Variants in ERICH6B observed in about 807,000 individuals in gnomAD.
ERICH6B encodes glutamate-rich protein 6B.
ERICH6B carries 69 observed loss-of-function variants against 80.0 expected under a neutral mutation model. The ratio of observed to expected loss-of-function variants is 0.86; its 90% confidence interval spans 0.71 to 1.05. The LOEUF (loss-of-function observed/expected upper bound fraction) is 1.05. ERICH6B is among the 50% of genes least tolerant of loss of function. ERICH6B has a pLI of 0.00. For synonymous variants in ERICH6B, 283 were observed against 291.9 expected, an observed-to-expected ratio of 0.97 and a Z score of 0.31; for missense variants, 754 against 796.1, an observed-to-expected ratio of 0.95 and a Z score of 0.64.
In ERICH6B at chr13:45,554,128, C is replaced by G. The variant is rs1874337221; in HGVS notation, c.1408-3812G>C. Among the ~76,000 whole-genome samples the G allele has an allele frequency of 1.3e-5, 2 of 152,242 alleles. 1 individual carries two copies. Among genetic ancestry groups the G allele is most frequent in the African/African-American group, 4.8e-5 (2 of 41,560 alleles). On this transcript the variant is annotated intron_variant, in intron 11 of 14. Transcript: ENST00000298738. ...AAATTTTGTATCCTTTGACCAACAC[C>G]TCCCCGTTTCCCTACTCCTCAGCTC...
chr13:45,567,883 T>C (rs1874985081), intron 9 of ERICH6B, among the ~76,000 whole-genome samples: 1 of 152,212 alleles, frequency 6.6e-6, no homozygotes, highest in Admixed American at 6.5e-5. Flanking sequence ...TTAGCTCACC[T>C]AGCGTGAAGC....
intron 14 of ERICH6B, among the ~76,000 whole-genome samples, chr13:45,542,792 T>C (rs965877517): frequency 6.6e-6 from 1 of 152,124 alleles, no homozygotes; most frequent in East Asian, 1.9e-4. Flanking sequence ...ACCTGCAAAA[T>C]AGGAGGCCTT....
intron 2 of ERICH6B, 101 bp from the exon 3 acceptor site, chr13:45,597,164 A>C: frequency 1.2e-6 from 1 of 834,534 alleles, no homozygotes; most frequent in Non-Finnish European, 1.8e-6. Context: ...TAGTCTTTGG[A>C]GGGCTCTTTA....
chr13:45,555,141 G>T (rs1362506569), intron 11 of ERICH6B, among the ~76,000 whole-genome samples: 2 of 152,172 alleles, frequency 1.3e-5, no homozygotes, highest in Non-Finnish European at 2.9e-5. Flanking sequence ...GCAGGATAGG[G>T]CCTGGAGTGT....
chr13:45,599,451 C>G (rs1949812035), intron 2 of ERICH6B, among the ~76,000 whole-genome samples: 1 of 152,136 alleles, frequency 6.6e-6, no homozygotes. Flanking sequence ...TAGAACCATT[C>G]TACAAACAGA....
intron 13 of ERICH6B, among the ~76,000 whole-genome samples, chr13:45,549,349 A>T (rs1413916350): frequency 6.6e-6 from 1 of 152,132 alleles, no homozygotes; most frequent in Non-Finnish European, 1.5e-5. Context: ...GGAAGGAAAA[A>T]ATCCTGAAAA....
chr13:45,614,796 C>G (rs1949918522), intron 1 of ERICH6B, among the ~76,000 whole-genome samples: 1 of 152,242 alleles, frequency 6.6e-6, no homozygotes, highest in Admixed American at 6.5e-5. Context: ...TGTTCATTAA[C>G]TTGTGTGATT....
At chr13:45,564,217 CAAA>C (rs1874818658) in intron 9 of ERICH6B, among the ~76,000 whole-genome samples, 1 of 152,218 alleles carries the variant, frequency 6.6e-6, no homozygotes, top group Non-Finnish European at 1.5e-5. Context: ...AGGACAATTT[CAAA>C]TAGCCTTACT....
chr13:45,567,526 A>G (rs1874970065), intron 9 of ERICH6B, among the ~76,000 whole-genome samples: 1 of 152,144 alleles, frequency 6.6e-6, no homozygotes, highest in South Asian at 2.1e-4. Flanking sequence ...GATGGTTATT[A>G]TAAGGAGGAG....
At chr13:45,586,027 A>G (rs970449276) in intron 5 of ERICH6B, among the ~76,000 whole-genome samples, 3 of 151,762 alleles carry the variant, frequency 2.0e-5, no homozygotes, top group African/African-American at 7.3e-5. Flanking sequence ...TGACTTTCAG[A>G]ATCCTTCTTA....
At chr13:45,562,444 C>A (rs1874723475) in intron 10 of ERICH6B, among the ~76,000 whole-genome samples, 1 of 152,166 alleles carries the variant, frequency 6.6e-6, no homozygotes, top group South Asian at 2.1e-4. Flanking sequence ...TGGAACTAAA[C>A]TGGTAAGGAC....
rs376586231 is a variant in ERICH6B at position 45,595,366 on chromosome 13, G to T, written c.637+1003C>A. 2.5e-4 allele frequency among the ~76,000 whole-genome samples: 38 copies of T among 152,152 alleles called. No homozygotes were observed. In the South Asian group the frequency reaches 3.3e-3, roughly 13 times the overall value. ...TTTGTAGAAAGCTTAATAGCATATT[G>T]AATGTATATAATATTAAATGATATT... is the stretch of plus-strand genomic sequence containing the variant. On this transcript the variant is annotated intron_variant, in intron 3 of 14. Transcript: ENST00000298738.
intron 11 of ERICH6B, among the ~76,000 whole-genome samples, chr13:45,557,786 C>A (rs901938509): frequency 6.6e-6 from 1 of 152,188 alleles, no homozygotes; most frequent in Non-Finnish European, 1.5e-5. Context: ...TTCCATTGGT[C>A]TATGTGCCTA....
chr13:45,550,099 T>C (rs1029982400), intron 12 of ERICH6B, 54 bp from the exon 13 acceptor site: 2 of 1,546,412 alleles, frequency 1.3e-6, no homozygotes, highest in Non-Finnish European at 1.7e-6. Context: ...CTGGAAAAGG[T>C]AGGGCCCTGC....
intron 13 of ERICH6B, 140 bp downstream of exon 13, chr13:45,549,753 G>A (rs1593773063): frequency 1.1e-6 from 1 of 932,808 alleles, no homozygotes; most frequent in Non-Finnish European, 1.6e-6. Flanking sequence ...TCATGGACTG[G>A]TCCATCATGG....
intron 11 of ERICH6B, among the ~76,000 whole-genome samples, chr13:45,557,328 T>C (rs930491984): frequency 7.2e-5 from 11 of 152,226 alleles, no homozygotes; most frequent in Admixed American, 7.2e-4. Context: ...TTCTGGATAT[T>C]AGTCCTTTGT....
At position 45,541,346 on chromosome 13, in the gene ERICH6B, CCAAA is replaced by C. The variant is rs1873762940; in HGVS notation, c.*112_*115del. 2.2e-6 allele frequency: 2 copies of C among 891,358 alleles called. No individual in the cohort carries two copies. Among genetic ancestry groups the C allele is most frequent in the Non-Finnish European group, 3.4e-6 (2 of 586,544 alleles). 55.2% of individuals were successfully genotyped at this position (891,358 alleles called of 1,614,324 possible). ...TCAAATCAAGGAGCCACGACAGGTC[CCAAA>C]TTACAAACCAACTCTCATAAAAGGT... On this transcript the variant is annotated 3_prime_UTR_variant, in exon 15 of 15. Transcript: ENST00000298738.
At chr13:45,546,240 G>A (rs530663616) in intron 13 of ERICH6B, among the ~76,000 whole-genome samples, 38 of 152,274 alleles carry the variant, frequency 2.5e-4, no homozygotes, top group African/African-American at 8.4e-4. Flanking sequence ...CAAACCCATC[G>A]TGTTCCTCTG....
intron 11 of ERICH6B, among the ~76,000 whole-genome samples, chr13:45,553,848 A>C (rs1268900578): frequency 2.0e-5 from 3 of 152,136 alleles, no homozygotes; most frequent in Non-Finnish European, 4.4e-5. Context: ...TTAATTGACA[A>C]TTAAAAATTG....
Sources: allele counts gnomAD v4.1 joint callset (sites outside exome capture counted in the v4.1 genomes callset), GRCh38; gene constraint gnomAD v4.1.1; transcripts MANE v1.5; gene names NCBI Gene and HGNC (gene_info 2026-07-23, HGNC 2026-07-21).